NHS: variants seen among roughly 807,000 people sequenced by gnomAD.
NHS encodes actin remodeling regulator NHS.
NHS carries 5 observed loss-of-function variants against 72.5 expected under a neutral mutation model. The ratio of observed to expected loss-of-function variants is 0.07; its 90% CI spans 0.04 to 0.14. The LOEUF is 0.14. Ranked by LOEUF, NHS falls within the 10% of genes least tolerant of loss-of-function variation. The pLI, the probability that NHS is intolerant of heterozygous loss-of-function variation, is 1.00. For missense variants in NHS, 1,072 were observed against 1,355.7 expected, an observed-to-expected ratio of 0.79 and a Z score of 3.29; for synonymous variants, 464 against 547.7, an observed-to-expected ratio of 0.85 and a Z score of 2.13.
chrX:17,653,895 T>C (rs1228901057), intron 1 of NHS, among the ~76,000 whole-genome samples: 1 of 111,681 alleles, frequency 9.0e-6, no homozygotes, highest in African/African-American at 3.3e-5. Context: ...TGGGAAGGCC[T>C]GAGAAGGTGT....
chrX:17,564,969 A>AT (rs201932159), intron 1 of NHS, among the ~76,000 whole-genome samples: 1,162 of 99,813 alleles, frequency 0.012, 34 homozygotes, highest in African/African-American at 0.048. Context: ...GTACAGCCAC[A>AT]TTTTTTTTTA....
chrX:17,479,540 C>T (rs774648792), intron 1 of NHS, among the ~76,000 whole-genome samples: 5 of 112,253 alleles, frequency 4.5e-5, no homozygotes, highest in Non-Finnish European at 5.6e-5. Context: ...AATTTCTCCA[C>T]ATCCTCTCCA....
rs1480807044 is a variant in NHS at position 17,693,946 on chromosome X, A to G, written c.852+1478A>G. 7.1e-5 allele frequency among the ~76,000 whole-genome samples: 8 copies of G among 112,801 alleles called. No homozygotes were observed. The East Asian group carries it at 2.2e-3, about 31-fold the overall frequency. On this transcript the variant is annotated intron_variant, in intron 3 of 8. Coordinates refer to ENST00000676302, the MANE Select transcript of NHS (RefSeq NM_001291867.2). The stretch of plus-strand genomic sequence containing the variant: ...CATAAAAATGCTAAAATATTTTCCC[A>G]TTCATTATAACATGTTTTATGGCTA...
intron 1 of NHS, among the ~76,000 whole-genome samples, chrX:17,533,372 G>C (rs770512104): frequency 9.0e-6 from 1 of 111,329 alleles, no homozygotes; most frequent in East Asian, 2.8e-4. Context: ...CTGTAGCCTC[G>C]ACCTCCCAGG....
At chrX:17,480,569 G>A (rs932413528) in intron 1 of NHS, among the ~76,000 whole-genome samples, 1 of 111,916 alleles carries the variant, frequency 8.9e-6, no homozygotes, top group African/African-American at 3.2e-5. Flanking sequence ...TGGGGAAACT[G>A]GCTAGCCATA....
chrX:17,671,897 C>T (rs1371464619), intron 1 of NHS, among the ~76,000 whole-genome samples: 3 of 111,875 alleles, frequency 2.7e-5, no homozygotes, highest in Non-Finnish European at 5.6e-5. Flanking sequence ...CATGATAGAG[C>T]AGTGAAAGCA....
At chrX:17,377,379 G>A in intron 1 of NHS, among the ~76,000 whole-genome samples, 1 of 113,073 alleles carries the variant, frequency 8.8e-6, no homozygotes, top group East Asian at 2.8e-4. Context: ...ATTTAGGAAC[G>A]ACCCAGGAGG....
intron 3 of NHS, among the ~76,000 whole-genome samples, chrX:17,715,735 C>A (rs191690318): frequency 3.6e-5 from 4 of 111,229 alleles, no homozygotes; most frequent in South Asian, 3.8e-4. Flanking sequence ...TTTTCCTAAT[C>A]TTCTCCCTCT....
intron 1 of NHS, among the ~76,000 whole-genome samples, chrX:17,646,605 T>A (rs2065906928): frequency 9.0e-6 from 1 of 111,446 alleles, no homozygotes; most frequent in Admixed American, 9.5e-5. Flanking sequence ...CCAATGGAGG[T>A]CTCAGCCTAG....
In NHS at chrX:17,654,938, G is replaced by T. The variant is rs778295114; in HGVS notation, c.566-32804G>T. 2.7e-5 allele frequency among the ~76,000 whole-genome samples: 3 copies of T among 112,407 alleles called. No homozygotes were observed. In the South Asian group the frequency reaches 1.1e-3, roughly 42 times the overall value. ...CACACTGCCATGGTTTTTAATCCTGGTTCAACCTCAGATCTGGTTTAGTAA... is the reference window on the plus strand; with the variant it reads ...CACACTGCCATGGTTTTTAATCCTGTTTCAACCTCAGATCTGGTTTAGTAA... On this transcript the variant is annotated intron_variant, in intron 1 of 8. Transcript: ENST00000676302.
chrX:17,611,340 T>C (rs1269497249), intron 1 of NHS, among the ~76,000 whole-genome samples: 1 of 111,951 alleles, frequency 8.9e-6, no homozygotes, highest in Non-Finnish European at 1.9e-5. Context: ...GCTTTCCTTT[T>C]CCTAGTTCCA....
intron 1 of NHS, among the ~76,000 whole-genome samples, chrX:17,438,003 G>A (rs767183491): frequency 1.8e-5 from 2 of 112,152 alleles, no homozygotes; most frequent in East Asian, 2.8e-4. Flanking sequence ...TGATAAATAC[G>A]ATTTTTATTT....
intron 1 of NHS, among the ~76,000 whole-genome samples, chrX:17,493,515 C>T (rs2146918897): frequency 8.9e-6 from 1 of 112,083 alleles, no homozygotes; most frequent in African/African-American, 3.2e-5. Context: ...TCCACTGCAT[C>T]GCCAGTCCCC....
chrX:17,522,615 C>T (rs2065155494), intron 1 of NHS, among the ~76,000 whole-genome samples: 1 of 105,792 alleles, frequency 9.5e-6, no homozygotes, highest in African/African-American at 3.5e-5. Flanking sequence ...GTGCTGCCAT[C>T]TGGAAAAGCC....
At chrX:17,576,085 T>C (rs1323887158) in intron 1 of NHS, among the ~76,000 whole-genome samples, 1 of 111,661 alleles carries the variant, frequency 9.0e-6, no homozygotes, top group Non-Finnish European at 1.9e-5. Context: ...AGTTCAATAG[T>C]TCTCTCGATG....
intron 1 of NHS, among the ~76,000 whole-genome samples, chrX:17,533,444 G>A (rs369762868): frequency 1.4e-4 from 15 of 110,607 alleles, no homozygotes; most frequent in Non-Finnish European, 2.5e-4. Flanking sequence ...GCACCACCAC[G>A]CCTGGCTAAT....
chrX:17,550,924 T>G (rs920223609), intron 1 of NHS, among the ~76,000 whole-genome samples: 1 of 111,326 alleles, frequency 9.0e-6, no homozygotes, highest in African/African-American at 3.3e-5. Flanking sequence ...TCTATGCAGC[T>G]GCACTGGCTT....
At chrX:17,471,549 A>T (rs1354053865) in intron 1 of NHS, among the ~76,000 whole-genome samples, 1 of 113,002 alleles carries the variant, frequency 8.8e-6, no homozygotes, top group Non-Finnish European at 1.9e-5. Flanking sequence ...TATGAATATG[A>T]TTGCTGTTAT....
In NHS at chrX:17,408,868, A is replaced by G. The variant is rs2064542287; in HGVS notation, c.565+32546A>G. 3.6e-5 allele frequency among the ~76,000 whole-genome samples: 4 copies of G among 111,509 alleles called. No individual in the cohort carries two copies. The South Asian group carries it at 1.5e-3, about 43-fold the overall frequency. On this transcript the variant is annotated intron_variant, in intron 1 of 8. Transcript: ENST00000676302. ...GTGACTGCCAATTCAGTTTCTGGTG[A>G]GGGCCCTTTTCTTGTCTTGTAGATA...
Sources: allele counts gnomAD v4.1 joint callset (sites outside exome capture counted in the v4.1 genomes callset), GRCh38; gene constraint gnomAD v4.1.1; transcripts MANE v1.5; gene names NCBI Gene and HGNC (gene_info 2026-07-23, HGNC 2026-07-21).